Variants in TLK2 observed in about 807,000 individuals in gnomAD.
TLK2 encodes the protein tousled like kinase 2, also known as serine/threonine-protein kinase tousled-like 2.
Under a neutral mutation model 117.3 loss-of-function variants are expected in TLK2, and 6 were observed. That is an observed-to-expected ratio of 0.05 (90% CI 0.03 to 0.10). The LOEUF is 0.10. TLK2 is among the 10% of genes least tolerant of loss of function. The pLI, the probability that TLK2 is intolerant of heterozygous loss-of-function variation, is 1.00. For synonymous variants in TLK2, 257 were observed against 316.7 expected, an observed-to-expected ratio of 0.81 and a Z score of 2.00; for missense variants, 299 against 901.2, an observed-to-expected ratio of 0.33 and a Z score of 8.56.
At chr17:62,508,669 T>G in intron 2 of TLK2, 1 of 756,690 alleles carries the variant, frequency 1.3e-6, no homozygotes, top group Non-Finnish European at 1.6e-6. Flanking sequence ...AAATAAGACA[T>G]AAAAATCAGA....
chr17:62,573,022 G>T, intron 11 of TLK2, 193 bp from the exon 12 acceptor site: 1 of 574,278 alleles, frequency 1.7e-6, no homozygotes, highest in Non-Finnish European at 3.1e-6. Context: ...TTAAAGCACA[G>T]ACTCATTCCC....
intron 2 of TLK2, among the ~76,000 whole-genome samples, chr17:62,496,964 A>G (rs1432829304): frequency 6.6e-6 from 1 of 151,592 alleles, no homozygotes; most frequent in Non-Finnish European, 1.5e-5. Flanking sequence ...CTCAAAAAAA[A>G]AAAAAAAAAA....
chr17:62,555,657 A>G (rs927634965), intron 9 of TLK2, among the ~76,000 whole-genome samples: 2 of 151,662 alleles, frequency 1.3e-5, no homozygotes, highest in African/African-American at 2.4e-5. Context: ...TAATTTTTGT[A>G]TAGTAGAGAC....
chr17:62,594,730 C>T (rs1163258867), intron 16 of TLK2, among the ~76,000 whole-genome samples: 1 of 152,014 alleles, frequency 6.6e-6, no homozygotes, highest in Non-Finnish European at 1.5e-5. Context: ...CCTATATCAG[C>T]AGCTCAGGGG....
chr17:62,517,978 G>A (rs564453724), intron 2 of TLK2, among the ~76,000 whole-genome samples: 9 of 152,352 alleles, frequency 5.9e-5, no homozygotes, highest in African/African-American at 1.2e-4. Context: ...GATTACAGGC[G>A]TGAGCCATTG....
intron 17 of TLK2, among the ~76,000 whole-genome samples, chr17:62,599,092 T>A (rs2082689431): frequency 6.6e-6 from 1 of 152,042 alleles, no homozygotes; most frequent in East Asian, 1.9e-4. Context: ...ATTACAGGCA[T>A]GCGCCACCAT....
intron 7 of TLK2, chr17:62,551,739 T>C (rs1318095755): frequency 2.0e-5 from 3 of 153,498 alleles, no homozygotes; most frequent in Admixed American, 1.9e-4. Context: ...ATTGAGAATA[T>C]AATATAATTA....
At chr17:62,529,326 T>A (rs1212642272) in intron 6 of TLK2, among the ~76,000 whole-genome samples, 1 of 152,344 alleles carries the variant, frequency 6.6e-6, no homozygotes, top group East Asian at 1.9e-4. Flanking sequence ...AACCTCCGCC[T>A]CCTGGGTTCA....
intron 12 of TLK2, among the ~76,000 whole-genome samples, chr17:62,574,576 G>A (rs1332818804): frequency 6.6e-6 from 1 of 151,904 alleles, no homozygotes; most frequent in Admixed American, 6.6e-5. Context: ...AGAGTGCAGT[G>A]GTGCTATCTC....
chr17:62,481,308 G>A (rs1451427837), intron 2 of TLK2, 102 bp downstream of exon 2: 1 of 1,308,678 alleles, frequency 7.6e-7, no homozygotes, highest in Non-Finnish European at 1.1e-6. Flanking sequence ...TAGTTTGCAG[G>A]GGAGAAGATT....
rs1415115302 is a variant in TLK2 at position 62,615,278 on chromosome 17, C to CT, written c.*2714dup. 15 of 152,206 alleles carry CT rather than the reference C, an allele frequency of 9.9e-5. No individual in the cohort carries two copies. Among genetic ancestry groups the CT allele is most frequent in the Admixed American group, 9.2e-4 (14 of 15,280 alleles). 9.4% of individuals were successfully genotyped at this position (152,206 alleles called of 1,614,324 possible). Reference sequence around the variant, plus strand: ...GTCTTTCAAGCAGCCAGTGAAATCACTAAGTGGGGTTCTTCCATGACATAT... The same window carrying CT: ...GTCTTTCAAGCAGCCAGTGAAATCACTTAAGTGGGGTTCTTCCATGACATAT... On this transcript the variant is annotated 3_prime_UTR_variant, in exon 22 of 22. Coordinates refer to ENST00000346027, the MANE Select transcript of TLK2 (RefSeq NM_006852.6).
chr17:62,578,050 A>C (rs1174961039), intron 13 of TLK2, among the ~76,000 whole-genome samples: 1 of 152,244 alleles, frequency 6.6e-6, no homozygotes, highest in Non-Finnish European at 1.5e-5. Context: ...TCCATCTTAA[A>C]AAATAAAAAT....
intron 2 of TLK2, 111 bp from the exon 3 acceptor site, chr17:62,520,662 A>G (rs1421101773): frequency 9.8e-7 from 1 of 1,018,640 alleles, no homozygotes; most frequent in African/African-American, 1.6e-5. Context: ...GGGTGATAAC[A>G]GTGAAACTCT....
intron 2 of TLK2, among the ~76,000 whole-genome samples, chr17:62,495,691 C>G (rs1437054012): frequency 6.7e-6 from 1 of 149,722 alleles, no homozygotes; most frequent in Non-Finnish European, 1.5e-5. Flanking sequence ...CGGAGTCTTA[C>G]TCTGTCACCC....
upstream of TLK2, among the ~76,000 whole-genome samples, chr17:62,473,833 C>T (rs2070986711): frequency 6.6e-6 from 1 of 152,176 alleles, no homozygotes; most frequent in Non-Finnish European, 1.5e-5. Flanking sequence ...ATATGGCCCG[C>T]AAAGCCTGAT....
At chr17:62,533,440 GTGTAGCCCAGTGTGTGTGTGTC>G in intron 6 of TLK2, among the ~76,000 whole-genome samples, 3 of 139,590 alleles carry the variant, frequency 2.1e-5, no homozygotes, top group African/African-American at 5.3e-5. Context: ...GGGTCTTGCT[GTGTAGCCCAGTGTGTGTGTGTC>G]TGTGTGTGTG....
chr17:62,565,649 C>T (rs2079714328), intron 11 of TLK2, among the ~76,000 whole-genome samples: 1 of 47,482 alleles, frequency 2.1e-5, no homozygotes, highest in South Asian at 6.9e-4. Context: ...AAGACTCCAT[C>T]TCAAAAAAAA....
intron 7 of TLK2, chr17:62,550,554 TAATA>T (rs1231982723): frequency 6.6e-6 from 1 of 152,220 alleles, no homozygotes; most frequent in Admixed American, 6.5e-5. Flanking sequence ...AGGGAGTACT[TAATA>T]AATAGTCATT....
At chr17:62,540,399 A>ATTTTTTTT (rs1567879183) in intron 7 of TLK2, among the ~76,000 whole-genome samples, 5 of 13,378 alleles carry the variant, frequency 3.7e-4, no homozygotes, top group Non-Finnish European at 5.4e-4. Context: ...ATATGTTCAG[A>ATTTTTTTT]ATTTTTTTTT....
Sources: gnomAD v4.1 joint callset for allele counts (sites outside exome capture counted in the v4.1 genomes callset) on GRCh38, gnomAD v4.1.1 for gene constraint, MANE v1.5 for transcripts, NCBI Gene and HGNC (gene_info 2026-07-23, HGNC 2026-07-21) for gene names.